NAALADL2: variants seen among roughly 807,000 people sequenced by gnomAD.
NAALADL2 encodes the protein inactive N-acetylated-alpha-linked acidic dipeptidase-like protein 2.
Under a neutral mutation model 87.2 loss-of-function variants are expected in NAALADL2, and 76 were observed. That is an observed-to-expected ratio of 0.87 (90% CI 0.72 to 1.05). The LOEUF (loss-of-function observed/expected upper bound fraction) is 1.05, where lower values mean the gene tolerates loss of function less well. Among genes scored for constraint, NAALADL2 ranks in the 50% least tolerant of loss-of-function variants. NAALADL2 has a pLI of 0.00. For synonymous variants in NAALADL2, 354 were observed against 331.0 expected, an observed-to-expected ratio of 1.07 and a Z score of -0.75; for missense variants, 1,089 against 945.8, an observed-to-expected ratio of 1.15 and a Z score of -1.99.
chr3:175,674,522 C>T (rs948934376), intron 11 of NAALADL2, among the ~76,000 whole-genome samples: 6 of 152,022 alleles, frequency 3.9e-5, no homozygotes, highest in Admixed American at 3.9e-4. Flanking sequence ...CCTCGGCCTC[C>T]CAAATTGCTG....
chr3:175,393,828 T>C (rs1023235108), intron 5 of NAALADL2, among the ~76,000 whole-genome samples: 11 of 152,210 alleles, frequency 7.2e-5, no homozygotes, highest in Non-Finnish European at 1.6e-4. Flanking sequence ...ACCCAAATTT[T>C]GAAAATTGTC....
At chr3:175,259,880 TA>T (rs1171210778) in intron 4 of NAALADL2, among the ~76,000 whole-genome samples, 4 of 152,102 alleles carry the variant, frequency 2.6e-5, no homozygotes, top group African/African-American at 9.7e-5. Flanking sequence ...ATTCAAAAAT[TA>T]GCTGGGTGTG....
At chr3:174,902,047 C>T (rs575143372) in intron 1 of NAALADL2, among the ~76,000 whole-genome samples, 7 of 152,134 alleles carry the variant, frequency 4.6e-5, no homozygotes, top group Admixed American at 3.3e-4. Context: ...GTGGGAATCT[C>T]GTTTAAATGC....
chr3:174,493,616 C>A (rs1294070445), intron 1 of NAALADL2, among the ~76,000 whole-genome samples: 2 of 152,000 alleles, frequency 1.3e-5, no homozygotes, highest in Admixed American at 1.3e-4. Flanking sequence ...TTAAATGGAT[C>A]TAGAGTAGTT....
At position 174,952,788 on chromosome 3, in the gene NAALADL2, G is replaced by T. The variant is rs751927945; in HGVS notation, c.43+93338G>T. 3.3e-4 allele frequency among the ~76,000 whole-genome samples: 51 copies of T among 152,270 alleles called. 1 individual carries two copies. The highest frequency in any genetic ancestry group is 6.2e-4 in the Non-Finnish European group (42 of 68,010). On this transcript the variant is annotated intron_variant, in intron 1 of 13. Transcript: ENST00000454872. Reference sequence around the variant, plus strand: ...TATCTGGGTATAAGGAAGCCTGCATGACATTAGGTTTGGATGATGAGTAGG... The same window carrying T: ...TATCTGGGTATAAGGAAGCCTGCATTACATTAGGTTTGGATGATGAGTAGG...
intron 1 of NAALADL2, among the ~76,000 whole-genome samples, chr3:174,537,843 G>A (rs1318904451): frequency 2.6e-5 from 4 of 152,128 alleles, no homozygotes; most frequent in Admixed American, 2.6e-4. Context: ...TCAGGCTGGT[G>A]ATATTCTCAC....
chr3:174,708,863 T>A (rs1056776065), intron 2 of NAALADL2, among the ~76,000 whole-genome samples: 1 of 152,184 alleles, frequency 6.6e-6, no homozygotes, highest in African/African-American at 2.4e-5. Flanking sequence ...TGATTAAATT[T>A]TCATTCCAGT....
intron 2 of NAALADL2, among the ~76,000 whole-genome samples, chr3:175,215,937 C>A (rs553493399): frequency 6.6e-6 from 1 of 152,236 alleles, no homozygotes; most frequent in Non-Finnish European, 1.5e-5. Flanking sequence ...GGTGGAATTA[C>A]CTCTTTAGAG....
chr3:175,145,294 T>G (rs1245700258), intron 2 of NAALADL2, among the ~76,000 whole-genome samples: 2 of 152,046 alleles, frequency 1.3e-5, no homozygotes, highest in African/African-American at 4.8e-5. Flanking sequence ...GCTCTCTGAA[T>G]TTTTAATTTT....
At chr3:175,343,955 T>C (rs1036331536) in intron 5 of NAALADL2, among the ~76,000 whole-genome samples, 19 of 151,970 alleles carry the variant, frequency 1.3e-4, no homozygotes, top group African/African-American at 4.4e-4. Context: ...AAAAAATTCT[T>C]CCTTCTATGC....
At chr3:175,122,355 C>G (rs1726287148) in intron 2 of NAALADL2, among the ~76,000 whole-genome samples, 1 of 151,860 alleles carries the variant, frequency 6.6e-6, no homozygotes. Flanking sequence ...GACTGTGAAC[C>G]AAGCATTGGT....
chr3:174,987,827 T>TAAAAATATATATATATATATATATAA (rs1553911311), intron 1 of NAALADL2, among the ~76,000 whole-genome samples: 8 of 130,534 alleles, frequency 6.1e-5, no homozygotes, highest in African/African-American at 2.9e-4. Context: ...TATATATATA[T>TAAAAATATATATATATATATATATAA]AATGAGACCT....
intron 3 of NAALADL2, among the ~76,000 whole-genome samples, chr3:174,845,860 A>C (rs1724561726): frequency 6.6e-6 from 1 of 152,112 alleles, no homozygotes; most frequent in South Asian, 2.1e-4. Flanking sequence ...AACTTAGTGG[A>C]ATGACAGTAG....
chr3:175,281,788 G>A (rs530571986), intron 4 of NAALADL2, among the ~76,000 whole-genome samples: 1 of 151,904 alleles, frequency 6.6e-6, no homozygotes, highest in Non-Finnish European at 1.5e-5. Flanking sequence ...TTTATACAAA[G>A]AATATTTTTC....
At chr3:175,718,782 C>T in intron 11 of NAALADL2, 2 of 796,408 alleles carry the variant, frequency 2.5e-6, no homozygotes, top group Non-Finnish European at 3.9e-6. Context: ...TAAAAATTAG[C>T]CAAGCATGGT....
intron 2 of NAALADL2, among the ~76,000 whole-genome samples, chr3:175,229,362 C>A (rs1373593283): frequency 2.0e-5 from 3 of 152,022 alleles, no homozygotes; most frequent in South Asian, 4.2e-4. Flanking sequence ...TATAGGACAA[C>A]TGAATAGTAT....
At chr3:174,562,592 C>T (rs1268173734) in intron 2 of NAALADL2, among the ~76,000 whole-genome samples, 1 of 152,010 alleles carries the variant, frequency 6.6e-6, no homozygotes, top group Non-Finnish European at 1.5e-5. Context: ...CATATATTAG[C>T]ATTCTTTTTG....
intron 2 of NAALADL2, among the ~76,000 whole-genome samples, chr3:174,593,791 G>T (rs1345978065): frequency 6.6e-6 from 1 of 152,028 alleles, no homozygotes; most frequent in Non-Finnish European, 1.5e-5. Flanking sequence ...CTGGTTTGAT[G>T]GAGGGTAGAT....
chr3:175,539,563 G>A (rs1711928726), intron 9 of NAALADL2, among the ~76,000 whole-genome samples: 1 of 151,934 alleles, frequency 6.6e-6, no homozygotes, highest in South Asian at 2.1e-4. Context: ...CTCATGACTT[G>A]GAGGTCTGGT....
Sources: gnomAD v4.1 joint callset for allele counts (sites outside exome capture counted in the v4.1 genomes callset) on GRCh38, gnomAD v4.1.1 for gene constraint, MANE v1.5 for transcripts, NCBI Gene and HGNC (gene_info 2026-07-23, HGNC 2026-07-21) for gene names.